The following THAP5 variants were observed in gnomAD, a reference collection of about 807,000 sequenced individuals.
The protein encoded by THAP5 is THAP domain containing 5, also known as THAP domain-containing protein 5.
A neutral mutation model predicts 34.0 loss-of-function variants in THAP5; 26 were observed. The ratio of observed to expected loss-of-function variants is 0.77; its 90% confidence interval spans 0.56 to 1.06. The LOEUF (loss-of-function observed/expected upper bound fraction) is 1.06, where lower values mean the gene tolerates loss of function less well. Ranked by LOEUF, THAP5 falls within the 50% of genes least tolerant of loss-of-function variation. THAP5 has a pLI of 0.00. For missense variants in THAP5, 394 were observed against 452.8 expected (o/e 0.87, Z 1.18); for synonymous variants, 125 against 153.0 (o/e 0.82, Z 1.35).
At position 108,564,769 on chromosome 7, in the gene THAP5, T is replaced by G. The variant is rs1790447310; in HGVS notation, c.610A>C (p.Thr204Pro). The G allele has an allele frequency of 6.2e-7, 1 of 1,613,328 alleles. No individual in the cohort carries two copies. The highest frequency in any genetic ancestry group is 8.5e-7 in the Non-Finnish European group (1 of 1,179,432). The change falls in exon 3 of 3, where the codon ACT (threonine) becomes CCT (proline). Residue 204 changes from threonine to proline, a missense_variant. By Grantham distance (38) the Thr-to-Pro change is conservative. Coordinates refer to ENST00000415914, the MANE Select transcript of THAP5 (RefSeq NM_001130475.3). ...GAATTTGAAGTTGTCAAAGTAATAG[T>G]TGTAGAATTTAGATTCTCAAAACAT... ...HTCFENLNST[T>P]ITLTTSNSES...
At chr7:108,544,679 CAG>C in the THAP5 span, among the ~76,000 whole-genome samples, 9 of 151,798 alleles carry the variant, frequency 5.9e-5, no homozygotes, top group African/African-American at 2.2e-4. Flanking sequence ...AATTATGAGA[CAG>C]GGTCTCACTC....
chr7:108,543,456 T>C, the THAP5 span, among the ~76,000 whole-genome samples: 2 of 152,210 alleles, frequency 1.3e-5, no homozygotes, highest in African/African-American at 4.8e-5. Flanking sequence ...TTCTGCCCTC[T>C]ATCTCTTGAT....
chr7:108,543,078 C>T, the THAP5 span, among the ~76,000 whole-genome samples: 2 of 151,990 alleles, frequency 1.3e-5, no homozygotes, highest in Non-Finnish European at 2.9e-5. Flanking sequence ...AGGTGCCTGT[C>T]ACCACGCCCG....
Position 108,569,595 on chromosome 7 carries a change from G to A in THAP5, c.-26C>T, listed in dbSNP as rs112785303. The A allele has an allele frequency of 4.8e-4, 744 of 1,550,000 alleles. 2 individuals carry two copies. The African/African-American group carries it at 8.1e-3, about 17-fold the overall frequency. ...GACTCGGGTGAGGCCCCTGGAGACC[G>A]GGGCCGGCGACGGATGCAGGGCGGC... On this transcript the variant is annotated 5_prime_UTR_variant, in exon 1 of 3. Transcript: ENST00000415914.
downstream of THAP5, among the ~76,000 whole-genome samples, chr7:108,560,662 C>A (rs1864420665): frequency 6.6e-6 from 1 of 152,188 alleles, no homozygotes; most frequent in African/African-American, 2.4e-5. Context: ...AAACAGATGC[C>A]ATTCAGGAGG....
downstream of THAP5, among the ~76,000 whole-genome samples, chr7:108,561,825 CAAAG>C (rs1864434763): frequency 6.6e-6 from 1 of 151,954 alleles, no homozygotes; most frequent in African/African-American, 2.4e-5. Context: ...AGAGAAAAGG[CAAAG>C]AGATATTTGA....
At position 108,565,996 on chromosome 7, in the gene THAP5, A is replaced by G; in HGVS notation, c.107T>C (p.Leu36Pro). The G allele has an allele frequency of 6.5e-7, 1 of 1,535,922 alleles. No homozygotes were observed. Among genetic ancestry groups the G allele is most frequent in the Non-Finnish European group, 8.8e-7 (1 of 1,142,444 alleles). ...CTTCATATTCTTTAACCACTTTTCC[A>G]GTCTTTCTTTGTCATGTAGAGGAAA... ...YPFPLHDKERLEKWLKNMKRD... is the reference protein window; with the variant it reads ...YPFPLHDKERPEKWLKNMKRD... Residue 36 changes from leucine (L) to proline (P), a missense_variant, in exon 2 of 3, where the codon CTG becomes CCG. By Grantham distance (98) the Leu-to-Pro change is moderately conservative. Transcript: ENST00000415914.
rs73428105 is a variant in THAP5, at chr7:108,566,693, C to T, written c.81-671G>A. Reference sequence around the variant, plus strand: ...AAACTGATAGAAGAAAAGAATGGAACATGTTAAAAGGGACAGTCTCAGATA... The same window carrying T: ...AAACTGATAGAAGAAAAGAATGGAATATGTTAAAAGGGACAGTCTCAGATA... On this transcript the variant is annotated intron_variant, in intron 1 of 2. Transcript: ENST00000415914. 7.1e-3 allele frequency among the ~76,000 whole-genome samples: 1,086 copies of T among 152,166 alleles called. 8 individuals carry two copies. The highest frequency in any genetic ancestry group is 0.025 in the African/African-American group (1,046 of 41,522).
Position 108,564,968 on chromosome 7 carries a change from A to T in THAP5, c.411T>A (p.His137Gln). ...KKNIVNTDVP[H>Q]QHPELLHSSS... is the part of the protein sequence containing the mutation. ...ATGAATGAAGTAATTCTGGATGTTG[A>T]TGGGGCACATCTGTGTTAACTATAT... The change falls in exon 3 of 3, where the codon CAT becomes CAA. Residue 137 changes from histidine to glutamine, a missense_variant. Transcript: ENST00000415914. 6.4e-6 allele frequency: 10 copies of T among 1,557,302 alleles called. No homozygotes were observed. Among genetic ancestry groups the T allele is most frequent in the Non-Finnish European group, 8.7e-6 (10 of 1,148,836 alleles).
chr7:108,565,777 AC>A (rs1173083895), intron 2 of THAP5, 52 bp downstream of exon 2: 1 of 1,374,858 alleles, frequency 7.3e-7, no homozygotes, highest in African/African-American at 1.5e-5. Context: ...ATCACCTGCC[AC>A]CCTGAAATCT....
chr7:108,569,683 T>C lies in THAP5; in HGVS notation c.-114A>G. 7.2e-7 allele frequency: 1 copy of C among 1,392,288 alleles called. No homozygotes were observed. Among genetic ancestry groups the C allele is most frequent in the Non-Finnish European group, 9.8e-7 (1 of 1,025,166 alleles). The allele number at this position is 1,392,288 out of a possible 1,614,324, so 86.2% of individuals were successfully genotyped here. Reference sequence around the variant, plus strand: ...CGAGCCCCTGCGCCTGCGCTAGCATTCTGCCGGGAAAGCCGCCTCGTCTGT... The same window carrying C: ...CGAGCCCCTGCGCCTGCGCTAGCATCCTGCCGGGAAAGCCGCCTCGTCTGT... On this transcript the variant is annotated 5_prime_UTR_variant, in exon 1 of 3. Coordinates refer to ENST00000415914, the MANE Select transcript of THAP5 (RefSeq NM_001130475.3).
Position 108,565,124 on chromosome 7 carries a change from A to G in THAP5, c.274-19T>C. Reference sequence around the variant, plus strand: ...CTTTTCCCTAGAAAATAATATTTTCATGTTCTGAAAAAGATGACTTTTATT... The same window carrying G: ...CTTTTCCCTAGAAAATAATATTTTCGTGTTCTGAAAAAGATGACTTTTATT... On this transcript the variant is annotated intron_variant, in intron 2 of 2. Coordinates refer to ENST00000415914, the MANE Select transcript of THAP5 (RefSeq NM_001130475.3). 5 of 1,468,060 alleles carry G rather than the reference A, an allele frequency of 3.4e-6. No individual in the cohort carries two copies. The Middle Eastern group carries it at 5.6e-4, about 163-fold the overall frequency. The allele number at this position is 1,468,060 out of a possible 1,614,324, so 90.9% of individuals were successfully genotyped here.
chr7:108,564,236 C>T lies in THAP5; in HGVS notation c.1143G>A (p.Lys381=). 1 of 1,608,772 alleles carries T rather than the reference C, an allele frequency of 6.2e-7. No individual in the cohort carries two copies. Among genetic ancestry groups the T allele is most frequent in the Non-Finnish European group, 8.5e-7 (1 of 1,178,372 alleles). ...ATGTTGTAAAATGGTTTTCTATAAT[C>T]TTGACGTTTTCTTCAGATAGCCAGT... ...QENWLSEENV[K]IIENHFTTYE... is the part of the protein sequence containing the mutation. The change falls in exon 3 of 3, where the codon AAG becomes AAA. Residue 381 remains lysine, a synonymous_variant. Coordinates refer to ENST00000415914, the MANE Select transcript of THAP5 (RefSeq NM_001130475.3).
chr7:108,566,031 T>TA lies in THAP5; in HGVS notation c.81-10dup, dbSNP rs749868697. Reference sequence around the variant, plus strand: ...TGTCATGTAGAGGAAATCTGGAATTTAAAAAAAAAAGAAGAAAAAAGGAAA... The same window carrying TA: ...TGTCATGTAGAGGAAATCTGGAATTTAAAAAAAAAAAGAAGAAAAAAGGAAA... On this transcript the variant is annotated splice_polypyrimidine_tract_variant and intron_variant, in intron 1 of 2. Transcript: ENST00000415914. 1.5e-3 allele frequency: 1,915 copies of TA among 1,300,760 alleles called. No homozygotes were observed. The highest frequency in any genetic ancestry group is 4.1e-3 in the South Asian group (260 of 63,476). 80.6% of individuals were successfully genotyped at this position (1,300,760 alleles called of 1,614,324 possible).
downstream of THAP5, among the ~76,000 whole-genome samples, chr7:108,558,414 T>TATATATATATATATATATATATATATATA (rs1554694581): frequency 7.5e-5 from 10 of 133,186 alleles, no homozygotes; most frequent in African/African-American, 2.0e-4. Context: ...TATATATATA[T>TATATATATATATATATATATATATATATA]TTAGACAGAG....
intron 1 of THAP5, chr7:108,554,869 CAA>C (rs899331688): frequency 2.6e-5 from 4 of 152,114 alleles, no homozygotes; most frequent in African/African-American, 9.7e-5. Context: ...TCTATCAAAA[CAA>C]AGAGAAATAG....
intron 1 of THAP5, among the ~76,000 whole-genome samples, chr7:108,556,257 C>A (rs746106318): frequency 6.6e-6 from 1 of 152,172 alleles, no homozygotes. Context: ...ATGGTCTTCT[C>A]ACATTTCAAG....
Position 108,564,223 on chromosome 7 carries a change from G to C in THAP5, c.1156C>G (p.His386Asp), listed in dbSNP as rs760121304. ...SEENVKIIENHFTTYEVTMI is the reference protein window; with the variant it reads ...SEENVKIIENDFTTYEVTMI ...ATAGTGACTTCATATGTTGTAAAAT[G>C]GTTTTCTATAATCTTGACGTTTTCT... Residue 386 changes from histidine to aspartate, a missense_variant, in exon 3 of 3, where the codon CAT (histidine) becomes GAT (aspartate). By Grantham distance (81) the His-to-Asp change is moderately conservative. Transcript: ENST00000415914. 1.2e-5 allele frequency: 19 copies of C among 1,601,256 alleles called. No homozygotes were observed. Among genetic ancestry groups the C allele is most frequent in the Non-Finnish European group, 1.4e-5 (17 of 1,175,888 alleles).
chr7:108,560,944 G>T (rs986860978), downstream of THAP5, among the ~76,000 whole-genome samples: 2 of 152,158 alleles, frequency 1.3e-5, no homozygotes, highest in Non-Finnish European at 2.9e-5. Context: ...ATGTTGCCCA[G>T]GCTGGTCTCA....
Sources: gnomAD v4.1 joint callset for allele counts (sites outside exome capture counted in the v4.1 genomes callset) on GRCh38, gnomAD v4.1.1 for gene constraint, MANE v1.5 for transcripts, NCBI Gene and HGNC (gene_info 2026-07-23, HGNC 2026-07-21) for gene names.